The following OR9Q1 variants were observed in gnomAD, a reference collection of about 807,000 sequenced individuals.
OR9Q1 encodes the protein olfactory receptor 9Q1.
For synonymous variants in OR9Q1, 153 were observed against 148.6 expected, an observed-to-expected ratio of 1.03 and a Z score of -0.22; for missense variants, 374 against 378.8, an observed-to-expected ratio of 0.99 and a Z score of 0.11.
chr11:58,149,376 C>T (rs985538718), intron 2 of OR9Q1, among the ~76,000 whole-genome samples: 2 of 152,118 alleles, frequency 1.3e-5, no homozygotes, highest in Non-Finnish European at 2.9e-5. Context: ...GGACTTGGCA[C>T]ATAGTTGGCA....
At chr11:58,024,321 C>G (rs1391312087) in intron 1 of OR9Q1, among the ~76,000 whole-genome samples, 1 of 152,030 alleles carries the variant, frequency 6.6e-6, no homozygotes, top group African/African-American at 2.4e-5. Context: ...TAACACCCAC[C>G]CACTGCGCCT....
chr11:58,113,230 T>G (rs1002405089), intron 2 of OR9Q1, among the ~76,000 whole-genome samples: 7 of 152,206 alleles, frequency 4.6e-5, no homozygotes, highest in Non-Finnish European at 1.0e-4. Flanking sequence ...GTCTACTATA[T>G]TTTCTTCATT....
chr11:58,082,170 T>C (rs1853593451), intron 2 of OR9Q1, among the ~76,000 whole-genome samples: 1 of 152,130 alleles, frequency 6.6e-6, no homozygotes, highest in Non-Finnish European at 1.5e-5. Flanking sequence ...GGTGGGACTG[T>C]AAACTAGTTC....
intron 2 of OR9Q1, among the ~76,000 whole-genome samples, chr11:58,134,418 T>C (rs2119850400): frequency 6.6e-6 from 1 of 152,240 alleles, no homozygotes; most frequent in Admixed American, 6.5e-5. Context: ...CAATCCCTCC[T>C]CATCTCAGGG....
At chr11:58,091,519 T>C (rs1390446010) in intron 2 of OR9Q1, among the ~76,000 whole-genome samples, 1 of 152,228 alleles carries the variant, frequency 6.6e-6, no homozygotes, top group African/African-American at 2.4e-5. Context: ...CTGTTTGTTA[T>C]GATTTCTGCA....
chr11:58,128,294 A>G (rs973061528), intron 2 of OR9Q1, among the ~76,000 whole-genome samples: 1 of 151,714 alleles, frequency 6.6e-6, no homozygotes, highest in Non-Finnish European at 1.5e-5. Flanking sequence ...AGAGCAATTA[A>G]CCTGCCTGAT....
At chr11:58,151,275 A>G (rs1164341980) in intron 2 of OR9Q1, among the ~76,000 whole-genome samples, 6 of 152,210 alleles carry the variant, frequency 3.9e-5, no homozygotes, top group African/African-American at 1.4e-4. Context: ...TTTCAGGCCC[A>G]GCCTTCTTTC....
At chr11:58,161,201 C>T (rs1398349037) in intron 2 of OR9Q1, among the ~76,000 whole-genome samples, 10 of 149,850 alleles carry the variant, frequency 6.7e-5, no homozygotes, top group African/African-American at 2.2e-4. Context: ...ATGTAACAAA[C>T]CTGCATGTTG....
chr11:58,178,820 AG>A (rs1854628650), intron 2 of OR9Q1, among the ~76,000 whole-genome samples: 1 of 150,588 alleles, frequency 6.6e-6, no homozygotes, highest in South Asian at 2.1e-4. Flanking sequence ...CGTTGATGGC[AG>A]GAGCTAAGAT....
chr11:58,112,012 G>A (rs912108109), intron 2 of OR9Q1, among the ~76,000 whole-genome samples: 4 of 152,158 alleles, frequency 2.6e-5, no homozygotes, highest in African/African-American at 9.6e-5. Flanking sequence ...TATGGGCCAG[G>A]TGTGGTGGCT....
intron 2 of OR9Q1, among the ~76,000 whole-genome samples, chr11:58,131,537 T>C (rs1252817574): frequency 6.6e-6 from 1 of 152,020 alleles, no homozygotes; most frequent in Non-Finnish European, 1.5e-5. Context: ...CAATGTTTTA[T>C]ATAATTTTAT....
intron 2 of OR9Q1, among the ~76,000 whole-genome samples, chr11:58,074,723 A>T (rs986413445): frequency 3.3e-5 from 5 of 151,860 alleles, no homozygotes; most frequent in African/African-American, 7.3e-5. Context: ...TTCTTCTAGG[A>T]TTTTTTATGG....
intron 2 of OR9Q1, among the ~76,000 whole-genome samples, chr11:58,176,343 A>G (rs556042742): frequency 2.6e-5 from 4 of 152,354 alleles, no homozygotes; most frequent in African/African-American, 9.6e-5. Flanking sequence ...GACTGGGAAG[A>G]AAGTCTTTTC....
chr11:58,144,973 T>A (rs967457821), intron 2 of OR9Q1: 1 of 154,476 alleles, frequency 6.5e-6, no homozygotes, highest in Non-Finnish European at 1.4e-5. Flanking sequence ...CTGCACCTTC[T>A]CTATCTCCTT....
intron 1 of OR9Q1, among the ~76,000 whole-genome samples, chr11:58,029,052 A>C (rs887366711): frequency 5.3e-5 from 8 of 152,202 alleles, no homozygotes; most frequent in African/African-American, 1.9e-4. Flanking sequence ...CTAGGGTATA[A>C]CTGCTTTATT....
At chr11:58,028,982 A>G (rs541240657) in intron 1 of OR9Q1, among the ~76,000 whole-genome samples, 1 of 152,310 alleles carries the variant, frequency 6.6e-6, no homozygotes, top group East Asian at 1.9e-4. Flanking sequence ...CTGTAGCAAA[A>G]CACTATTTCT....
intron 2 of OR9Q1, among the ~76,000 whole-genome samples, chr11:58,070,095 A>C (rs1853472212): frequency 6.6e-6 from 1 of 151,462 alleles, no homozygotes; most frequent in South Asian, 2.1e-4. Context: ...TCCACCTCCC[A>C]GGTTCAAACT....
At chr11:58,166,969 C>T (rs1251040188) in intron 2 of OR9Q1, among the ~76,000 whole-genome samples, 1 of 150,322 alleles carries the variant, frequency 6.7e-6, no homozygotes, top group Non-Finnish European at 1.5e-5. Context: ...ACCTGAACAA[C>T]ATACATTGTA....
At chr11:58,122,884 A>G (rs1014628537) in intron 2 of OR9Q1, among the ~76,000 whole-genome samples, 4 of 151,812 alleles carry the variant, frequency 2.6e-5, no homozygotes, top group Non-Finnish European at 5.9e-5. Flanking sequence ...ATTTGTGTAC[A>G]TGATATTGTG....
Sources: allele counts gnomAD v4.1 joint callset (sites outside exome capture counted in the v4.1 genomes callset), GRCh38; gene constraint gnomAD v4.1.1; transcripts MANE v1.5; gene names NCBI Gene and HGNC (gene_info 2026-07-23, HGNC 2026-07-21).